The following ENTREP2 variants were observed in gnomAD, a reference collection of about 807,000 sequenced individuals.
The protein encoded by ENTREP2 is protein ENTREP2.
At chr15:29,495,349 C>T in the ENTREP2 span, among the ~76,000 whole-genome samples, 3 of 152,042 alleles carry the variant, frequency 2.0e-5, no homozygotes, top group Admixed American at 6.6e-5. Flanking sequence ...CTGTGAGTTG[C>T]CTTTACATTT....
chr15:29,671,959 G>C, the ENTREP2 span, among the ~76,000 whole-genome samples: 1 of 152,198 alleles, frequency 6.6e-6, no homozygotes. Flanking sequence ...CCAGGGGCTG[G>C]AAGGAGACGG....
At chr15:29,498,167 T>C in the ENTREP2 span, among the ~76,000 whole-genome samples, 1 of 152,146 alleles carries the variant, frequency 6.6e-6, no homozygotes, top group African/African-American at 2.4e-5. Context: ...ATGTGCCTTG[T>C]TTCCCCTTCA....
the ENTREP2 span, among the ~76,000 whole-genome samples, chr15:29,619,059 CT>C: frequency 2.6e-5 from 4 of 152,180 alleles, no homozygotes; most frequent in Admixed American, 6.5e-5. Context: ...CGAAATCACC[CT>C]TTCTGAGTAC....
chr15:29,369,357 G>C, the ENTREP2 span, among the ~76,000 whole-genome samples: 1 of 151,998 alleles, frequency 6.6e-6, no homozygotes, highest in East Asian at 1.9e-4. Context: ...CCACATACAA[G>C]GGGTCCAAAT....
At chr15:29,437,477 T>TCC in the ENTREP2 span, among the ~76,000 whole-genome samples, 2 of 152,244 alleles carry the variant, frequency 1.3e-5, no homozygotes, top group Non-Finnish European at 2.9e-5. Flanking sequence ...ACACTTCATA[T>TCC]AATATTGCAT....
chr15:29,559,952 T>C, the ENTREP2 span, among the ~76,000 whole-genome samples: 3 of 152,208 alleles, frequency 2.0e-5, no homozygotes, highest in South Asian at 6.2e-4. Flanking sequence ...CTCTTAGACG[T>C]TGGGTTAGTC....
At chr15:29,618,981 G>C in the ENTREP2 span, among the ~76,000 whole-genome samples, 4 of 152,262 alleles carry the variant, frequency 2.6e-5, no homozygotes, top group Non-Finnish European at 5.9e-5. Flanking sequence ...CCTGGCTGCG[G>C]CTGGAGTGGA....
chr15:29,268,971 G>C, the ENTREP2 span: 1 of 1,614,194 alleles, frequency 6.2e-7, no homozygotes, highest in East Asian at 2.2e-5. Context: ...GGAATTCGTA[G>C]TCGACGGGGT....
chr15:29,589,140 T>C, the ENTREP2 span, among the ~76,000 whole-genome samples: 8 of 152,222 alleles, frequency 5.3e-5, no homozygotes, highest in East Asian at 7.7e-4. Flanking sequence ...AGGATTGTCA[T>C]TGGGGCCAGG....
At chr15:29,345,917 A>G in the ENTREP2 span, among the ~76,000 whole-genome samples, 2 of 152,334 alleles carry the variant, frequency 1.3e-5, no homozygotes, top group African/African-American at 2.4e-5. Flanking sequence ...ATTACCTGCC[A>G]GACACCAACC....
the ENTREP2 span, among the ~76,000 whole-genome samples, chr15:29,338,343 T>C: frequency 6.6e-6 from 1 of 150,768 alleles, no homozygotes; most frequent in African/African-American, 2.4e-5. Flanking sequence ...GGAGAATCAC[T>C]TGAACCCGGG....
the ENTREP2 span, among the ~76,000 whole-genome samples, chr15:29,209,238 A>C: frequency 6.6e-6 from 1 of 152,238 alleles, no homozygotes; most frequent in Non-Finnish European, 1.5e-5. Context: ...GTGGTGGCTC[A>C]TGCCTGTAAT....
the ENTREP2 span, among the ~76,000 whole-genome samples, chr15:29,422,752 G>A: frequency 1.3e-5 from 2 of 152,306 alleles, no homozygotes; most frequent in South Asian, 2.1e-4. Context: ...GACTCACAAA[G>A]GTTTTGAGTG....
chr15:29,646,727 A>G, the ENTREP2 span, among the ~76,000 whole-genome samples: 5 of 152,190 alleles, frequency 3.3e-5, no homozygotes, highest in Non-Finnish European at 5.9e-5. Context: ...TGAACATTTG[A>G]TGGAATAACC....
the ENTREP2 span, among the ~76,000 whole-genome samples, chr15:29,653,876 G>A: frequency 6.6e-6 from 1 of 152,020 alleles, no homozygotes; most frequent in East Asian, 1.9e-4. Flanking sequence ...AGAGTGTAAA[G>A]CTCCAGAAAT....
the ENTREP2 span, among the ~76,000 whole-genome samples, chr15:29,370,168 T>C: frequency 6.6e-5 from 10 of 151,938 alleles, no homozygotes; most frequent in African/African-American, 9.7e-5. Context: ...CATTAAAAAA[T>C]TAAACTCTCC....
chr15:29,587,256 A>C, the ENTREP2 span, among the ~76,000 whole-genome samples: 36 of 151,356 alleles, frequency 2.4e-4, no homozygotes, highest in African/African-American at 8.3e-4. Context: ...GAACATCCCA[A>C]GGGCCCCAAC....
the ENTREP2 span, among the ~76,000 whole-genome samples, chr15:29,324,098 ATAG>A: frequency 7.7e-6 from 1 of 129,868 alleles, no homozygotes; most frequent in East Asian, 2.1e-4. Flanking sequence ...TGTTACAAAC[ATAG>A]TAGAATTTTT....
the ENTREP2 span, among the ~76,000 whole-genome samples, chr15:29,262,742 C>A: frequency 6.6e-6 from 1 of 152,256 alleles, no homozygotes; most frequent in African/African-American, 2.4e-5. Flanking sequence ...AAGAGGACAT[C>A]ATCAGAACCC....
Sources: allele counts gnomAD v4.1 joint callset (sites outside exome capture counted in the v4.1 genomes callset), GRCh38; gene constraint gnomAD v4.1.1; transcripts MANE v1.5; gene names NCBI Gene and HGNC (gene_info 2026-07-23, HGNC 2026-07-21).